Variants in DIS3L2 observed in about 807,000 individuals in gnomAD.
DIS3L2 encodes the protein DIS3 like 3'-5' exoribonuclease 2.
In DIS3L2, 34 loss-of-function variants were observed where a neutral mutation model predicts 97.5. The observed-to-expected ratio is 0.35, with a 90% CI of 0.27 to 0.46. The LOEUF is 0.46. Ranked by LOEUF, DIS3L2 falls within the 20% of genes least tolerant of loss-of-function variation. DIS3L2 has a pLI of 1.00. For missense variants in DIS3L2, 1,038 were observed against 1,146.0 expected (o/e 0.91, Z 1.36); for synonymous variants, 435 against 445.2 (o/e 0.98, Z 0.29).
chr2:232,227,552 T>C (rs182046725), intron 10 of DIS3L2, among the ~76,000 whole-genome samples: 1 of 152,358 alleles, frequency 6.6e-6, no homozygotes, highest in East Asian at 1.9e-4. Context: ...ATGTATATAA[T>C]TTCTTGTTAA....
rs182004457 is a variant in DIS3L2, at chr2:232,136,643, C to A, written c.874C>A (p.Arg292=). 2.1e-4 allele frequency: 339 copies of A among 1,613,786 alleles called. 1 individual carries two copies. In the African/African-American group the frequency reaches 4.4e-3, roughly 21 times the overall value. ...GGACTGTCCCCAGGACTTTGTGGCA[C>A]GGCCTAAAGATTATGCCAACACACT... The part of the protein sequence containing the change: ...LKDCPQDFVA[R]PKDYANTLFI... Residue 292 remains arginine (R), a synonymous_variant, in exon 8 of 21, where the codon CGG becomes AGG. Transcript: ENST00000325385.
chr2:232,055,114 A>G (rs1695508885), intron 5 of DIS3L2, among the ~76,000 whole-genome samples: 1 of 152,232 alleles, frequency 6.6e-6, no homozygotes, highest in Non-Finnish European at 1.5e-5. Flanking sequence ...GCTCCTTACA[A>G]AAGCCGACAG....
intron 14 of DIS3L2, among the ~76,000 whole-genome samples, chr2:232,303,335 A>G (rs1452464143): frequency 6.6e-6 from 1 of 151,000 alleles, no homozygotes; most frequent in Non-Finnish European, 1.5e-5. Flanking sequence ...CCTGAATCCA[A>G]ATATTGGCAT....
chr2:232,029,075 T>C (rs1052988289), intron 4 of DIS3L2, among the ~76,000 whole-genome samples: 10 of 152,160 alleles, frequency 6.6e-5, no homozygotes, highest in African/African-American at 2.4e-4. Context: ...TTCAGTCCAT[T>C]GAGTGTTATG....
At chr2:232,041,872 C>T (rs1381425552) in intron 5 of DIS3L2, among the ~76,000 whole-genome samples, 1 of 152,150 alleles carries the variant, frequency 6.6e-6, no homozygotes, top group Non-Finnish European at 1.5e-5. Flanking sequence ...TTTATTTCTC[C>T]CACATGTATT....
chr2:232,217,092 T>C (rs3116212), intron 10 of DIS3L2, among the ~76,000 whole-genome samples: 36,754 of 152,048 alleles, frequency 0.24, 6,063 homozygotes, highest in African/African-American at 0.47. Context: ...CCGCCTGCCT[T>C]GGCCTCCCAA....
intron 6 of DIS3L2, among the ~76,000 whole-genome samples, chr2:232,097,857 T>C (rs1013466259): frequency 6.6e-6 from 1 of 152,178 alleles, no homozygotes; most frequent in Non-Finnish European, 1.5e-5. Flanking sequence ...GAATATGCTG[T>C]GTCTAACCTT....
Position 232,336,897 on chromosome 2 carries a change from C to T in DIS3L2, c.*267C>T, listed in dbSNP as rs554738232. 108 of 1,295,166 alleles carry T rather than the reference C, an allele frequency of 8.3e-5. 1 individual carries two copies. In the African/African-American group the frequency reaches 1.4e-3, roughly 17 times the overall value. The allele number at this position is 1,295,166 out of a possible 1,614,324, so 80.2% of individuals were successfully genotyped here. A position where few individuals can be genotyped will look rare whatever the true frequency, so the allele number is the denominator to read the frequency against. ...GAGGCTGGCCCCCCTTTTTTCTGGGCCCTACTGCCCTCCTCTGCCCAGGAA... is the reference window on the plus strand; with the variant it reads ...GAGGCTGGCCCCCCTTTTTTCTGGGTCCTACTGCCCTCCTCTGCCCAGGAA... On this transcript the variant is annotated 3_prime_UTR_variant, in exon 21 of 21. Transcript: ENST00000325385.
chr2:232,339,794 G>A (rs1696065658), downstream of DIS3L2: 2 of 450,412 alleles, frequency 4.4e-6, no homozygotes, highest in Non-Finnish European at 8.9e-6. Flanking sequence ...ATGTGCAGCT[G>A]TGACCTGCCC....
At chr2:232,169,440 C>T (rs1054116467) in intron 9 of DIS3L2, among the ~76,000 whole-genome samples, 1 of 152,024 alleles carries the variant, frequency 6.6e-6, no homozygotes, top group Admixed American at 6.6e-5. Context: ...TAGACAGATT[C>T]GTACTCAGAT....
rs527476283 is a variant in DIS3L2 at position 232,032,425 on chromosome 2, C to G, written c.366+2345C>G. 9.2e-5 allele frequency among the ~76,000 whole-genome samples: 14 copies of G among 152,258 alleles called. No individual in the cohort carries two copies. In the South Asian group the frequency reaches 2.9e-3, roughly 32 times the overall value. On this transcript the variant is annotated intron_variant, in intron 5 of 20. Transcript: ENST00000325385. ...ATCCCTTTGTCAGATGGATAGATTG[C>G]AAAAATTTTTTCCCATTCTGTAGGT...
At chr2:232,021,390 G>A (rs1045792426) in intron 3 of DIS3L2, among the ~76,000 whole-genome samples, 3 of 152,112 alleles carry the variant, frequency 2.0e-5, no homozygotes, top group Non-Finnish European at 2.9e-5. Context: ...AGTTGTTGAA[G>A]TGGGGTTTCT....
At position 232,105,888 on chromosome 2, in the gene DIS3L2, C is replaced by T. The variant is rs536563402; in HGVS notation, c.601+18167C>T. Reference sequence around the variant, plus strand: ...TGTGCCTATCATCCCCATGGCTTTTCCGGCACCTTTTCCAATATGGTGTTC... The same window carrying T: ...TGTGCCTATCATCCCCATGGCTTTTTCGGCACCTTTTCCAATATGGTGTTC... On this transcript the variant is annotated intron_variant, in intron 6 of 20. Transcript: ENST00000325385. Among the ~76,000 whole-genome samples, 7 of 152,302 alleles carry T rather than the reference C, an allele frequency of 4.6e-5. No individual in the cohort carries two copies. The East Asian group carries it at 9.6e-4, about 21-fold the overall frequency.
chr2:232,214,243 ACT>A (rs1305888970), intron 10 of DIS3L2, among the ~76,000 whole-genome samples: 9 of 152,060 alleles, frequency 5.9e-5, no homozygotes, highest in African/African-American at 2.2e-4. Context: ...TTGTCAGATC[ACT>A]CTCTGGTTTT....
rs769671753 is a variant in DIS3L2 at position 232,276,815 on chromosome 2, C to T, written c.1659+13375C>T. 6.6e-5 allele frequency among the ~76,000 whole-genome samples: 10 copies of T among 152,290 alleles called. No individual in the cohort carries two copies. Among genetic ancestry groups the T allele is most frequent in the East Asian group, 1.9e-4 (1 of 5,176 alleles). The stretch of plus-strand genomic sequence containing the variant: ...GAAATGGAGAGCATAACAGTACCTA[C>T]GTTATAGGAATATTAGGTTAGATGA... On this transcript the variant is annotated intron_variant, in intron 13 of 20. Transcript: ENST00000325385. This position sits in a 1 kb window ranked among gnomAD's most constrained non-coding sequence, Gnocchi z 4.4.
At chr2:232,024,608 T>A (rs988196964) in intron 4 of DIS3L2, among the ~76,000 whole-genome samples, 2 of 152,240 alleles carry the variant, frequency 1.3e-5, no homozygotes, top group African/African-American at 4.8e-5. Flanking sequence ...TTCGTGTAAC[T>A]GGACGCCCTT....
At chr2:232,214,324 A>G (rs1042271863) in intron 10 of DIS3L2, among the ~76,000 whole-genome samples, 2 of 152,158 alleles carry the variant, frequency 1.3e-5, no homozygotes, top group Admixed American at 6.5e-5. Flanking sequence ...CTTAGAGGCA[A>G]TTCATTCTGC....
chr2:232,038,347 A>G (rs562743249), intron 5 of DIS3L2, among the ~76,000 whole-genome samples: 3 of 152,306 alleles, frequency 2.0e-5, no homozygotes, highest in Non-Finnish European at 2.9e-5. Context: ...ACCCTAAGAC[A>G]TGAGAGTGGT....
chr2:231,962,329 A>G (rs1692584055), intron 1 of DIS3L2, among the ~76,000 whole-genome samples: 1 of 151,588 alleles, frequency 6.6e-6, no homozygotes, highest in Non-Finnish European at 1.5e-5. Flanking sequence ...GGTTAGTCAC[A>G]TGGGTATATT....
Sources: allele counts gnomAD v4.1 joint callset (sites outside exome capture counted in the v4.1 genomes callset), GRCh38; gene constraint gnomAD v4.1.1; non-coding constraint Gnocchi (gnomAD v3.1); transcripts MANE v1.5; gene names NCBI Gene and HGNC (gene_info 2026-07-23, HGNC 2026-07-21).